Variants in LSAMP observed in about 807,000 individuals in gnomAD.
LSAMP encodes limbic system-associated membrane protein.
LSAMP carries 7 observed loss-of-function variants against 38.6 expected under a neutral mutation model. The observed-to-expected ratio is 0.18, with a 90% CI of 0.10 to 0.34. LSAMP has a LOEUF of 0.34. Among genes scored for constraint, LSAMP ranks in the 10% least tolerant of loss-of-function variants. The probability of loss-of-function intolerance (pLI) is 1.00; values close to 1 mark genes in which losing one functional copy is unlikely to be tolerated. For missense variants in LSAMP, 313 were observed against 420.0 expected (o/e 0.75, Z 2.23); for synonymous variants, 154 against 166.8 (o/e 0.92, Z 0.59).
At chr3:116,430,311 C>T (rs1303111418) in intron 1 of LSAMP, among the ~76,000 whole-genome samples, 1 of 151,982 alleles carries the variant, frequency 6.6e-6, no homozygotes, top group Non-Finnish European at 1.5e-5. Context: ...TGAAATTCTT[C>T]ATAAGCAAAG....
At chr3:115,865,109 C>CTTGT (rs750475097) in intron 3 of LSAMP, among the ~76,000 whole-genome samples, 2 of 152,232 alleles carry the variant, frequency 1.3e-5, no homozygotes, top group South Asian at 4.1e-4. Flanking sequence ...CTATCAAATG[C>CTTGT]TTAAGACACT....
intron 1 of LSAMP, among the ~76,000 whole-genome samples, chr3:116,207,420 G>T (rs1275756268): frequency 1.3e-5 from 2 of 150,748 alleles, no homozygotes; most frequent in East Asian, 2.0e-4. Context: ...AGTTAATATG[G>T]TTATGTGTGA....
At chr3:116,077,275 C>T (rs968274363) in intron 2 of LSAMP, among the ~76,000 whole-genome samples, 1 of 151,712 alleles carries the variant, frequency 6.6e-6, no homozygotes, top group Non-Finnish European at 1.5e-5. Flanking sequence ...TGTTGGTATG[C>T]TTGCATTAGT....
chr3:115,868,421 A>G lies in LSAMP; in HGVS notation c.515-15804T>C, dbSNP rs184800962. On this transcript the variant is annotated intron_variant, in intron 3 of 6. Coordinates refer to ENST00000490035, the MANE Select transcript of LSAMP (RefSeq NM_002338.5). ...CTATCCCTCTCTCCATCAAGTTGTC[A>G]AAACAGGAATATTATAAAGCAACTT... Among the ~76,000 whole-genome samples the G allele has an allele frequency of 9.2e-5, 14 of 152,258 alleles. No homozygotes were observed. The South Asian group carries it at 2.1e-3, about 23-fold the overall frequency.
intron 4 of LSAMP, among the ~76,000 whole-genome samples, chr3:115,845,085 AAAG>A (rs1935111865): frequency 6.6e-6 from 1 of 152,252 alleles, no homozygotes; most frequent in East Asian, 1.9e-4. Flanking sequence ...AGGGTGAGGA[AAAG>A]AAGGAGTGTT....
At chr3:116,005,311 C>T (rs1396989767) in intron 3 of LSAMP, among the ~76,000 whole-genome samples, 1 of 152,112 alleles carries the variant, frequency 6.6e-6, no homozygotes, top group African/African-American at 2.4e-5. Context: ...TAATTCTTCA[C>T]CTATCTCCAT....
Position 116,102,785 on chromosome 3 carries a change from A to ATCTATCTATCTATCTATCTG in LSAMP, c.156-16230_156-16229insCAGATAGATAGATAGATAGA, listed in dbSNP as rs562864883. Among the ~76,000 whole-genome samples, 928 of 151,790 alleles carry ATCTATCTATCTATCTATCTG rather than the reference A, an allele frequency of 6.1e-3. 14 individuals are homozygous for ATCTATCTATCTATCTATCTG. Among genetic ancestry groups the ATCTATCTATCTATCTATCTG allele is most frequent in the African/African-American group, 0.021 (868 of 41,214 alleles). ...TAAAATTTTATCTATCTATCTATCT[A>ATCTATCTATCTATCTATCTG]TCTGTCTGTCTGTCTGTCTATCTTC... On this transcript the variant is annotated intron_variant, in intron 1 of 6. Transcript: ENST00000490035.
In LSAMP at chr3:116,438,126, T is replaced by C. The variant is rs377414231; in HGVS notation, c.155+6751A>G. On this transcript the variant is annotated intron_variant, in intron 1 of 6. Transcript: ENST00000490035. ...TAAGAAACTCAACTATATCGTAAGA[T>C]ACTTGTGACTTTAAAGGACTTGAAA... Among the ~76,000 whole-genome samples the C allele has an allele frequency of 1.3e-4, 20 of 149,120 alleles. No homozygotes were observed. In the South Asian group the frequency reaches 3.6e-3, roughly 27 times the overall value.
intron 3 of LSAMP, among the ~76,000 whole-genome samples, chr3:115,933,607 A>T (rs1937616684): frequency 6.6e-6 from 1 of 152,230 alleles, no homozygotes; most frequent in Non-Finnish European, 1.5e-5. Context: ...TCTAGAGCTC[A>T]GAACATCCTG....
chr3:115,818,476 C>T (rs1211792466), intron 6 of LSAMP, among the ~76,000 whole-genome samples: 3 of 152,012 alleles, frequency 2.0e-5, no homozygotes, highest in African/African-American at 7.2e-5. Flanking sequence ...GCTTTCTCTT[C>T]ACCTCTCTTT....
intron 1 of LSAMP, among the ~76,000 whole-genome samples, chr3:116,373,270 T>C (rs1028823359): frequency 7.3e-5 from 11 of 151,344 alleles, no homozygotes; most frequent in African/African-American, 2.7e-4. Flanking sequence ...TGATTCAAAC[T>C]TAAAAACAAT....
intron 3 of LSAMP, among the ~76,000 whole-genome samples, chr3:115,957,447 A>AT (rs959721189): frequency 2.2e-4 from 33 of 148,830 alleles, no homozygotes; most frequent in Non-Finnish European, 2.4e-4. Flanking sequence ...CCCATCACCT[A>AT]TTTTTTTTTT....
At chr3:115,863,998 A>G (rs1935786304) in intron 3 of LSAMP, among the ~76,000 whole-genome samples, 1 of 152,166 alleles carries the variant, frequency 6.6e-6, no homozygotes, top group Admixed American at 6.5e-5. Flanking sequence ...TAGGTGGACA[A>G]AAAGTTTTCA....
chr3:116,337,555 C>A (rs1411343923), intron 1 of LSAMP, among the ~76,000 whole-genome samples: 1 of 151,926 alleles, frequency 6.6e-6, no homozygotes, highest in East Asian at 1.9e-4. Context: ...CTCTAGCTAG[C>A]TTTGTCCTTT....
In LSAMP at chr3:116,445,201, T is replaced by A; in HGVS notation, c.-170A>T. 4.7e-6 allele frequency: 3 copies of A among 634,642 alleles called. No individual in the cohort carries two copies. The highest frequency in any genetic ancestry group is 8.2e-6 in the Non-Finnish European group (3 of 367,014). 39.3% of individuals were successfully genotyped at this position (634,642 alleles called of 1,614,324 possible). On this transcript the variant is annotated 5_prime_UTR_variant, in exon 1 of 7. Coordinates refer to ENST00000490035, the MANE Select transcript of LSAMP (RefSeq NM_002338.5). ...CTCTCTTTCCCTCGCTCAGTCTCTT[T>A]TCCCTCTAAGACTTAACAAAGCCCT...
At chr3:116,416,693 T>A (rs2049055247) in intron 1 of LSAMP, among the ~76,000 whole-genome samples, 1 of 152,166 alleles carries the variant, frequency 6.6e-6, no homozygotes, top group African/African-American at 2.4e-5. Flanking sequence ...CCTGGTATCT[T>A]TCTGCTCCCG....
intron 1 of LSAMP, among the ~76,000 whole-genome samples, chr3:116,130,779 C>G (rs1487733641): frequency 6.6e-6 from 1 of 151,920 alleles, no homozygotes; most frequent in African/African-American, 2.4e-5. Context: ...GAAAAAATTA[C>G]CTACCCAGAA....
intron 1 of LSAMP, among the ~76,000 whole-genome samples, chr3:116,303,157 G>C (rs1398131915): frequency 6.6e-6 from 1 of 152,196 alleles, no homozygotes; most frequent in Non-Finnish European, 1.5e-5. Context: ...CATCAGCAAA[G>C]AGGGTAAATA....
intron 3 of LSAMP, among the ~76,000 whole-genome samples, chr3:115,860,651 C>A (rs1935647907): frequency 6.6e-6 from 1 of 152,164 alleles, no homozygotes. Context: ...AGCCTCTTAA[C>A]CATTTATTTT....
Sources: gnomAD v4.1 joint callset for allele counts (sites outside exome capture counted in the v4.1 genomes callset) on GRCh38, gnomAD v4.1.1 for gene constraint, MANE v1.5 for transcripts, NCBI Gene and HGNC (gene_info 2026-07-23, HGNC 2026-07-21) for gene names.